AKT2: variants seen among roughly 807,000 people sequenced by gnomAD.
AKT2 encodes AKT serine/threonine kinase 2, also known as RAC-beta serine/threonine-protein kinase.
Under a neutral mutation model 58.6 loss-of-function variants are expected in AKT2, and 16 were observed. The observed-to-expected ratio is 0.27, with a 90% CI of 0.18 to 0.41. The LOEUF (loss-of-function observed/expected upper bound fraction) is 0.41. Among genes scored for constraint, AKT2 ranks in the 10% least tolerant of loss-of-function variants. The pLI, the probability that AKT2 is intolerant of heterozygous loss-of-function variation, is 1.00. For synonymous variants in AKT2, 253 were observed against 254.0 expected (o/e 1.00, Z 0.04); for missense variants, 438 against 661.0 (o/e 0.66, Z 3.70).
chr19:40,282,430 T>C, intron 1 of AKT2: 1 of 463,790 alleles, frequency 2.2e-6, no homozygotes, highest in Non-Finnish European at 4.4e-6. Context: ...GCTGTCTTCT[T>C]CTCCCAGCAC....
Position 40,235,627 on chromosome 19 carries a change from G to GC in AKT2, c.1175+262dup, listed in dbSNP as rs373037672. On this transcript the variant is annotated intron_variant, in intron 11 of 13. Coordinates refer to ENST00000392038, the MANE Select transcript of AKT2 (RefSeq NM_001626.6). This position sits in a 1 kb window ranked among gnomAD's most constrained non-coding sequence, Gnocchi z 6.3. The stretch of plus-strand genomic sequence containing the variant: ...CAGGCTCCGTTCCTATCCTGGCTCT[G>GC]CCACATATGGTTTGGTGGCCCCAGC... Among the ~76,000 whole-genome samples, 463 of 152,262 alleles carry GC rather than the reference G, an allele frequency of 3.0e-3. 2 individuals carry two copies. Among genetic ancestry groups the GC allele is most frequent in the African/African-American group, 0.011 (454 of 41,542 alleles).
chr19:40,256,778 G>C (rs1231921943), intron 3 of AKT2, 148 bp downstream of exon 3: 1 of 1,256,584 alleles, frequency 8.0e-7, no homozygotes, highest in African/African-American at 1.5e-5. Context: ...CTAACAAGGA[G>C]GGAGAGCAGG....
intron 3 of AKT2, among the ~76,000 whole-genome samples, chr19:40,256,114 T>C (rs549249085): frequency 6.6e-6 from 1 of 152,184 alleles, no homozygotes; most frequent in Admixed American, 6.5e-5. Context: ...CTTGGGGAGA[T>C]GTGTCCAAGG....
intron 1 of AKT2, chr19:40,270,399 T>C (rs1012329264): frequency 3.4e-5 from 5 of 146,998 alleles, no homozygotes; most frequent in Admixed American, 2.7e-4. Context: ...AATGAACATG[T>C]ACAGAGTGAA....
In AKT2 at chr19:40,235,765, G is replaced by A. The variant is rs578163958; in HGVS notation, c.1175+125C>T. On this transcript the variant is annotated intron_variant, in intron 11 of 13. Coordinates refer to ENST00000392038, the MANE Select transcript of AKT2 (RefSeq NM_001626.6). The surrounding 1 kb of genome is among the most constrained non-coding windows in gnomAD (Gnocchi z 6.3). ...AGTGCCACTGTGGACGTTTTCAGGG[G>A]CTGTGTGGGGACGACACACTGCGAC... 6 of 1,005,944 alleles carry A rather than the reference G, an allele frequency of 6.0e-6. No homozygotes were observed. Among genetic ancestry groups the A allele is most frequent in the African/African-American group, 4.8e-5 (3 of 61,978 alleles). 62.3% of individuals were successfully genotyped at this position (1,005,944 alleles called of 1,614,324 possible).
At chr19:40,269,866 C>A (rs959592782) in intron 1 of AKT2, among the ~76,000 whole-genome samples, 2 of 152,164 alleles carry the variant, frequency 1.3e-5, no homozygotes, top group African/African-American at 4.8e-5. Context: ...AGCCCCGTGA[C>A]CACCTGAGTC....
chr19:40,240,162 C>T, intron 6 of AKT2, 52 bp from the exon 7 acceptor site: 2 of 1,571,834 alleles, frequency 1.3e-6, no homozygotes, highest in Non-Finnish European at 1.8e-6. Context: ...CACCTGCCCA[C>T]TCCGCCCCGA....
rs1375574625 is a variant in AKT2 at position 40,233,459 on chromosome 19, G to A, written c.*413C>T. Reference sequence around the variant, plus strand: ...CTGGAAGGCAGCACCACTGTCTGCCGGGTGTCGCGTCCCACCAGAAGGCAG... The same window carrying A: ...CTGGAAGGCAGCACCACTGTCTGCCAGGTGTCGCGTCCCACCAGAAGGCAG... On this transcript the variant is annotated 3_prime_UTR_variant, in exon 14 of 14. Coordinates refer to ENST00000392038, the MANE Select transcript of AKT2 (RefSeq NM_001626.6). This position sits in a 1 kb window ranked among gnomAD's most constrained non-coding sequence, Gnocchi z 4.3. The A allele has an allele frequency of 3.0e-5, 16 of 526,212 alleles. No homozygotes were observed. The highest frequency in any genetic ancestry group is 1.0e-4 in the South Asian group (6 of 59,296). 32.6% of individuals were successfully genotyped at this position (526,212 alleles called of 1,614,324 possible).
intron 4 of AKT2, among the ~76,000 whole-genome samples, chr19:40,250,017 A>T (rs1975030843): frequency 6.6e-6 from 1 of 152,178 alleles, no homozygotes; most frequent in Non-Finnish European, 1.5e-5. Flanking sequence ...CCCTCGGGCA[A>T]GAGATGTGCT....
chr19:40,275,779 T>TG (rs1568572732), intron 1 of AKT2, among the ~76,000 whole-genome samples: 2 of 4,614 alleles, frequency 4.3e-4, no homozygotes, highest in African/African-American at 7.8e-4. Context: ...GGGGGGGGGG[T>TG]GGGCGGGGGG....
intron 7 of AKT2, 49 bp from the exon 8 acceptor site, chr19:40,239,022 G>C (rs769194987): frequency 6.3e-7 from 1 of 1,585,112 alleles, no homozygotes; most frequent in Admixed American, 1.7e-5. Flanking sequence ...GGAGGGCTCT[G>C]CTGAGCCATG....
chr19:40,256,283 G>A (rs1975537623), intron 3 of AKT2, among the ~76,000 whole-genome samples: 1 of 152,188 alleles, frequency 6.6e-6, no homozygotes, highest in African/African-American at 2.4e-5. Flanking sequence ...GAGGATAGTG[G>A]TCTGAGCTAA....
chr19:40,242,657 G>T lies in AKT2; in HGVS notation c.318C>A (p.Val106=). The change falls in exon 5 of 14, where the codon GTC becomes GTA. Residue 106 remains valine (V), a synonymous_variant. Transcript: ENST00000392038. This position sits in a 1 kb window ranked among gnomAD's most constrained non-coding sequence, Gnocchi z 4.3. ...REEWMRAIQM[V]ANSLKQRAPG... is the part of the protein sequence containing the mutation. ...GGGCCCGCTGCTTGAGGCTGTTGGC[G>T]ACCATCTGGATGGCCCGCATCCACT... 6.2e-7 allele frequency: 1 copy of T among 1,612,496 alleles called. No homozygotes were observed.
chr19:40,253,349 G>T, intron 4 of AKT2, among the ~76,000 whole-genome samples: 1 of 152,162 alleles, frequency 6.6e-6, no homozygotes, highest in East Asian at 1.9e-4. Context: ...GGCCCAAAAG[G>T]ACAAAGTGGG....
In AKT2 at chr19:40,238,173, G is replaced by A. The variant is rs535280111; in HGVS notation, c.709-82C>T. The A allele has an allele frequency of 2.3e-5, 35 of 1,522,514 alleles. No homozygotes were observed. The highest frequency in any genetic ancestry group is 9.6e-5 in the South Asian group (8 of 83,166). The allele number at this position is 1,522,514 out of a possible 1,614,324, so 94.3% of individuals were successfully genotyped here. A position where few individuals can be genotyped will look rare whatever the true frequency, so the allele number is the denominator to read the frequency against. On this transcript the variant is annotated intron_variant, in intron 8 of 13. Coordinates refer to ENST00000392038, the MANE Select transcript of AKT2 (RefSeq NM_001626.6). This position sits in a 1 kb window ranked among gnomAD's most constrained non-coding sequence, Gnocchi z 5.1. ...CACCTTCCCAGCCCCCTGCCCCAGC[G>A]CAGTGATGTGGTGACACCTGTATCA... is the stretch of plus-strand genomic sequence containing the variant.
intron 1 of AKT2, among the ~76,000 whole-genome samples, chr19:40,281,583 G>A (rs888304529): frequency 2.0e-5 from 3 of 152,214 alleles, no homozygotes; most frequent in Non-Finnish European, 4.4e-5. Context: ...AAGCCACTGC[G>A]TGGAAGAGGA....
Position 40,255,163 on chromosome 19 carries a change from G to C in AKT2, c.282C>G (p.Asp94Glu), listed in dbSNP as rs139125633. Residue 94 changes from aspartate to glutamate, a missense_variant, in exon 4 of 14, where the codon GAC (aspartate) becomes GAG (glutamate). This residue lies in a region of AKT2 where 244 missense variants were observed against 347.1 expected (regional missense o/e 0.70). Coordinates refer to ENST00000392038, the MANE Select transcript of AKT2 (RefSeq NM_001626.6). ...ACACAGAGGCCCAGACTGACCTCTC[G>C]TCTGGAGAATCCACGTGGAAGGTCC... ...IERTFHVDSP[D>E]EREEWMRAIQ... is the part of the protein sequence containing the mutation. 4 of 1,613,136 alleles carry C rather than the reference G, an allele frequency of 2.5e-6. No homozygotes were observed. The Admixed American group carries it at 5.0e-5, about 20-fold the overall frequency.
intron 4 of AKT2, chr19:40,244,065 T>TAA (rs1334064184): frequency 2.6e-5 from 3 of 114,516 alleles, no homozygotes; most frequent in Non-Finnish European, 5.3e-5. Context: ...AAAATAATAA[T>TAA]AATAATAATA....
Position 40,255,187 on chromosome 19 carries a change from C to T in AKT2, c.258G>A (p.Arg86=). The change falls in exon 4 of 14, where the codon AGG becomes AGA. Residue 86 remains arginine, a synonymous_variant. Coordinates refer to ENST00000392038, the MANE Select transcript of AKT2 (RefSeq NM_001626.6). The part of the protein sequence containing the change: ...RCLQWTTVIE[R]TFHVDSPDER... ...CGTCTGGAGAATCCACGTGGAAGGTCCTCTCGATGACTGTGGTCCACTGCA... is the reference window on the plus strand; with the variant it reads ...CGTCTGGAGAATCCACGTGGAAGGTTCTCTCGATGACTGTGGTCCACTGCA... 6.2e-7 allele frequency: 1 copy of T among 1,614,138 alleles called. No individual in the cohort carries two copies. Among genetic ancestry groups the T allele is most frequent in the East Asian group, 2.2e-5 (1 of 44,890 alleles).
Sources: gnomAD v4.1 joint callset for allele counts (sites outside exome capture counted in the v4.1 genomes callset) on GRCh38, gnomAD v4.1.1 for gene constraint, gnomAD v4.1.1 regional missense constraint, Gnocchi (gnomAD v3.1) non-coding constraint, MANE v1.5 for transcripts, NCBI Gene and HGNC (gene_info 2026-07-23, HGNC 2026-07-21) for gene names.